The following CCNY variants were observed in gnomAD, a reference collection of about 807,000 sequenced individuals.
The protein encoded by CCNY is cyclin-Y.
In CCNY, 19 loss-of-function variants were observed where a neutral mutation model predicts 42.8. The observed-to-expected ratio is 0.44, with a 90% CI of 0.31 to 0.65. The LOEUF (loss-of-function observed/expected upper bound fraction) is 0.65. CCNY is among the 30% of genes least tolerant of loss of function. CCNY has a pLI of 0.07. For missense variants in CCNY, 370 were observed against 437.3 expected (o/e 0.85, Z 1.37); for synonymous variants, 165 against 162.7 (o/e 1.01, Z -0.11).
At chr10:35,307,080 C>T (rs1256644464) in intron 3 of CCNY, among the ~76,000 whole-genome samples, 3 of 152,202 alleles carry the variant, frequency 2.0e-5, no homozygotes, top group Non-Finnish European at 4.4e-5. Context: ...AGTGCTGCTG[C>T]TCACTAACCT....
chr10:35,370,592 C>T (rs1836911420), intron 1 of CCNY, among the ~76,000 whole-genome samples: 2 of 152,042 alleles, frequency 1.3e-5, no homozygotes, highest in South Asian at 4.1e-4. Context: ...GGAATCTTCT[C>T]TGGCTCTGTT....
intron 7 of CCNY, among the ~76,000 whole-genome samples, chr10:35,531,396 C>G (rs935851380): frequency 5.3e-5 from 8 of 152,232 alleles, no homozygotes; most frequent in Admixed American, 2.6e-4. Flanking sequence ...ATTCATTCAT[C>G]TGTTCATCTG....
chr10:35,465,023 C>A (rs1278613104), intron 1 of CCNY, among the ~76,000 whole-genome samples: 2 of 152,172 alleles, frequency 1.3e-5, no homozygotes, highest in Non-Finnish European at 2.9e-5. Flanking sequence ...TCATGCCTCT[C>A]AGGAGAGGCT....
At chr10:35,351,324 T>C (rs1019232494) in intron 1 of CCNY, among the ~76,000 whole-genome samples, 1 of 152,250 alleles carries the variant, frequency 6.6e-6, no homozygotes, top group Non-Finnish European at 1.5e-5. Flanking sequence ...CAGGTCAATT[T>C]AGGCAAAGCT....
At chr10:35,427,865 C>T (rs1297248134) in intron 1 of CCNY, among the ~76,000 whole-genome samples, 1 of 151,780 alleles carries the variant, frequency 6.6e-6, no homozygotes, top group East Asian at 2.0e-4. Flanking sequence ...GATCCTAGCC[C>T]CTCAAGTTCT....
intron 1 of CCNY, among the ~76,000 whole-genome samples, chr10:35,426,014 G>T (rs1305371200): frequency 6.6e-6 from 1 of 151,722 alleles, no homozygotes; most frequent in Non-Finnish European, 1.5e-5. Context: ...CCTGGCCATA[G>T]CCAGCAGCAC....
At chr10:35,265,874 C>T (rs1476968603) in intron 3 of CCNY, among the ~76,000 whole-genome samples, 2 of 152,280 alleles carry the variant, frequency 1.3e-5, no homozygotes, top group African/African-American at 2.4e-5. Context: ...CTGCCTCCCA[C>T]GCTGTCAGAG....
At chr10:35,355,282 A>G (rs188040827) in intron 1 of CCNY, among the ~76,000 whole-genome samples, 2 of 152,320 alleles carry the variant, frequency 1.3e-5, no homozygotes, top group Admixed American at 1.3e-4. Context: ...TTTAAAATCC[A>G]TATTTGATTT....
intron 3 of CCNY, among the ~76,000 whole-genome samples, chr10:35,299,736 A>C (rs113057509): frequency 1.6e-3 from 242 of 152,328 alleles, no homozygotes; most frequent in African/African-American, 5.3e-3. Context: ...TGGAATGCTT[A>C]ATTCATATAC....
chr10:35,414,387 C>T (rs1041427071), intron 1 of CCNY, among the ~76,000 whole-genome samples: 1 of 152,210 alleles, frequency 6.6e-6, no homozygotes, highest in Non-Finnish European at 1.5e-5. Flanking sequence ...GAGGCTGCCC[C>T]ACGTTCCGTG....
At chr10:35,373,732 G>A (rs1390937820) in intron 1 of CCNY, among the ~76,000 whole-genome samples, 1 of 151,984 alleles carries the variant, frequency 6.6e-6, no homozygotes, top group Non-Finnish European at 1.5e-5. Flanking sequence ...CTTTTCAGTA[G>A]CTTACTTTGT....
intron 1 of CCNY, among the ~76,000 whole-genome samples, chr10:35,421,677 C>G (rs1838162102): frequency 6.6e-6 from 1 of 152,112 alleles, no homozygotes; most frequent in Non-Finnish European, 1.5e-5. Context: ...TGATGGACTC[C>G]CATTTTCTTG....
At chr10:35,267,783 C>T (rs527707220) in intron 3 of CCNY, among the ~76,000 whole-genome samples, 9 of 152,130 alleles carry the variant, frequency 5.9e-5, no homozygotes, top group East Asian at 5.8e-4. Context: ...TGTGCAATGT[C>T]GGGTAAATAG....
At chr10:35,417,648 C>T (rs1374117651) in intron 1 of CCNY, among the ~76,000 whole-genome samples, 1 of 152,018 alleles carries the variant, frequency 6.6e-6, no homozygotes. Context: ...AGGGTGTTTG[C>T]CTTTTGTTAT....
At chr10:35,551,400 C>T (rs1264613624) in intron 7 of CCNY, among the ~76,000 whole-genome samples, 1 of 152,160 alleles carries the variant, frequency 6.6e-6, no homozygotes, top group Non-Finnish European at 1.5e-5. Flanking sequence ...ATTTTCCTTT[C>T]CACATGTACC....
At chr10:35,412,335 G>A (rs1837924612) in intron 1 of CCNY, among the ~76,000 whole-genome samples, 1 of 152,176 alleles carries the variant, frequency 6.6e-6, no homozygotes, top group African/African-American at 2.4e-5. Flanking sequence ...GCTAAGGCAT[G>A]GAGGATTCAG....
At chr10:35,391,561 G>A (rs552962110) in intron 1 of CCNY, among the ~76,000 whole-genome samples, 1 of 152,292 alleles carries the variant, frequency 6.6e-6, no homozygotes, top group South Asian at 2.1e-4. Context: ...TTAAAATGGA[G>A]AATCAAAGAA....
At chr10:35,420,910 A>G (rs1838145058) in intron 1 of CCNY, among the ~76,000 whole-genome samples, 3 of 152,190 alleles carry the variant, frequency 2.0e-5, no homozygotes, top group Non-Finnish European at 4.4e-5. Context: ...TGAAAAATGT[A>G]TTGTTGTTTA....
intron 3 of CCNY, among the ~76,000 whole-genome samples, chr10:35,312,747 C>CTTTTTTTTT (rs10688043): frequency 1.1e-4 from 12 of 112,096 alleles, no homozygotes; most frequent in South Asian, 3.1e-4. Context: ...TTCCTTTTTA[C>CTTTTTTTTT]TTTTTTTTTT....
Sources: allele counts gnomAD v4.1 joint callset (sites outside exome capture counted in the v4.1 genomes callset), GRCh38; gene constraint gnomAD v4.1.1; transcripts MANE v1.5; gene names NCBI Gene and HGNC (gene_info 2026-07-23, HGNC 2026-07-21).